UBN2: variants seen among roughly 807,000 people sequenced by gnomAD.
UBN2 encodes the protein ubinuclein 2, also known as ubinuclein-2.
Under a neutral mutation model 120.2 loss-of-function variants are expected in UBN2, and 35 were observed. That is an observed-to-expected ratio of 0.29 (90% confidence interval 0.22 to 0.39). UBN2 has a LOEUF of 0.39. UBN2 is among the 10% of genes least tolerant of loss of function. UBN2 has a pLI of 1.00. For missense variants in UBN2, 1,693 were observed against 1,663.2 expected (o/e 1.02, Z -0.31); for synonymous variants, 661 against 648.7 (o/e 1.02, Z -0.29).
intron 2 of UBN2, among the ~76,000 whole-genome samples, chr7:139,248,774 C>G (rs976395789): frequency 1.3e-5 from 2 of 151,964 alleles, no homozygotes; most frequent in Admixed American, 1.3e-4. Context: ...GAAATCATCC[C>G]TCATGTCCTT....
At chr7:139,315,289 T>TA in the UBN2 span, 8 of 152,330 alleles carry the variant, frequency 5.3e-5, no homozygotes, top group East Asian at 1.2e-3. Context: ...TAATATTTTT[T>TA]AAAAAATATA....
At chr7:139,272,471 T>C in intron 9 of UBN2, 31 bp downstream of exon 9, 1 of 1,535,278 alleles carries the variant, frequency 6.5e-7, no homozygotes, top group Non-Finnish European at 9.0e-7. Flanking sequence ...GACTGGCTTT[T>C]GCATTTGAGA....
chr7:139,249,120 C>A (rs990571397), intron 2 of UBN2, among the ~76,000 whole-genome samples: 8 of 152,000 alleles, frequency 5.3e-5, no homozygotes, highest in African/African-American at 1.9e-4. Context: ...CCCTCAGTAG[C>A]CCTATTTAGC....
At chr7:139,323,884 G>C in the UBN2 span, among the ~76,000 whole-genome samples, 1 of 152,012 alleles carries the variant, frequency 6.6e-6, no homozygotes, top group Non-Finnish European at 1.5e-5. Context: ...TTATTTTGGA[G>C]GCCATGGTAG....
chr7:139,315,174 A>C, the UBN2 span: 1 of 151,054 alleles, frequency 6.6e-6, no homozygotes, highest in Admixed American at 6.6e-5. Flanking sequence ...ACGGGGTTTC[A>C]CTGTGTTAGC....
chr7:139,264,504 G>T (rs552625235), intron 6 of UBN2, among the ~76,000 whole-genome samples: 40 of 152,260 alleles, frequency 2.6e-4, no homozygotes, highest in African/African-American at 9.4e-4. Flanking sequence ...TTGTCTGCTC[G>T]TAGAAGTCTG....
chr7:139,319,995 G>T, the UBN2 span, among the ~76,000 whole-genome samples: 5 of 151,508 alleles, frequency 3.3e-5, no homozygotes, highest in Admixed American at 2.0e-4. Flanking sequence ...AGAATGGCGT[G>T]AACCCAGGAG....
intron 2 of UBN2, among the ~76,000 whole-genome samples, chr7:139,243,887 C>T (rs1461657551): frequency 2.0e-5 from 3 of 152,144 alleles, no homozygotes; most frequent in Non-Finnish European, 4.4e-5. Context: ...GTCAAATACA[C>T]GTTTTCCAAA....
At chr7:139,241,001 A>G (rs944607337) in intron 2 of UBN2, among the ~76,000 whole-genome samples, 8 of 152,332 alleles carry the variant, frequency 5.3e-5, no homozygotes, top group Admixed American at 3.3e-4. Context: ...AGAGGCTCCC[A>G]TGCCTCTCTT....
intron 3 of UBN2, among the ~76,000 whole-genome samples, chr7:139,253,644 G>A (rs1485065142): frequency 2.0e-5 from 3 of 152,180 alleles, no homozygotes; most frequent in East Asian, 1.9e-4. Context: ...CTTACAAAAG[G>A]AAAAGGAATT....
chr7:139,252,634 G>A (rs1299859634), intron 3 of UBN2, among the ~76,000 whole-genome samples: 3 of 152,092 alleles, frequency 2.0e-5, no homozygotes, highest in African/African-American at 7.2e-5. Flanking sequence ...TGCTGACTCT[G>A]TACAATGTCT....
the UBN2 span, among the ~76,000 whole-genome samples, chr7:139,325,756 C>T: frequency 6.6e-6 from 1 of 152,150 alleles, no homozygotes; most frequent in African/African-American, 2.4e-5. Context: ...AAGATTGGGC[C>T]CTCGGAGTCT....
intron 12 of UBN2, among the ~76,000 whole-genome samples, chr7:139,278,745 A>T (rs969786930): frequency 6.6e-6 from 1 of 152,218 alleles, no homozygotes; most frequent in Admixed American, 6.5e-5. Context: ...GAAGTATTTT[A>T]GCTTGTCAAC....
At chr7:139,269,914 T>G (rs1346809831) in intron 8 of UBN2, among the ~76,000 whole-genome samples, 1 of 151,692 alleles carries the variant, frequency 6.6e-6, no homozygotes, top group African/African-American at 2.4e-5. Flanking sequence ...GCTCGAGCAG[T>G]CCTCCCACCT....
chr7:139,255,804 A>G (rs1796748930), intron 3 of UBN2, among the ~76,000 whole-genome samples: 1 of 152,166 alleles, frequency 6.6e-6, no homozygotes, highest in African/African-American at 2.4e-5. Flanking sequence ...AATGCTTTTG[A>G]AGATTATTTT....
intron 2 of UBN2, among the ~76,000 whole-genome samples, chr7:139,245,531 TGGCTAGACATA>T (rs1796447527): frequency 6.6e-6 from 1 of 152,230 alleles, no homozygotes; most frequent in Non-Finnish European, 1.5e-5. Flanking sequence ...CTAGTCACTT[TGGCTAGACATA>T]GATGTTCCTA....
In UBN2 at chr7:139,307,482, A is replaced by T. The variant is rs1253330532; in HGVS notation, c.*9646A>T. 8.7e-6 allele frequency: 1 copy of T among 114,810 alleles called. No homozygotes were observed. Among genetic ancestry groups the T allele is most frequent in the Non-Finnish European group, 1.7e-5 (1 of 59,440 alleles). The allele number at this position is 114,810 out of a possible 1,614,324, so 7.1% of individuals were successfully genotyped here. On this transcript the variant is annotated 3_prime_UTR_variant, in exon 18 of 18. Coordinates refer to ENST00000473989, the MANE Select transcript of UBN2 (RefSeq NM_173569.4). ...CTGTCTCCCTTTTTTGTATTTTAGT[A>T]AAAAAAAAAAAAAATAAATTTAAAT... is the stretch of plus-strand genomic sequence containing the variant.
chr7:139,329,817 C>G, the UBN2 span, among the ~76,000 whole-genome samples: 1 of 152,022 alleles, frequency 6.6e-6, no homozygotes, highest in Non-Finnish European at 1.5e-5. Flanking sequence ...TTAGCACCAA[C>G]AAACTGAGAA....
intron 2 of UBN2, 68 bp downstream of exon 2, chr7:139,237,165 T>G: frequency 9.0e-7 from 1 of 1,109,182 alleles, no homozygotes; most frequent in South Asian, 1.4e-5. Context: ...TGTGGCTGGT[T>G]GGGAGGGCCT....
Sources: allele counts gnomAD v4.1 joint callset (sites outside exome capture counted in the v4.1 genomes callset), GRCh38; gene constraint gnomAD v4.1.1; transcripts MANE v1.5; gene names NCBI Gene and HGNC (gene_info 2026-07-23, HGNC 2026-07-21).